The following TYR variants were observed in gnomAD, a reference collection of about 807,000 sequenced individuals.
TYR encodes LB24-AB.
In TYR, 58 loss-of-function variants were observed where a neutral mutation model predicts 51.5. That is an observed-to-expected ratio of 1.13 (90% CI 0.91 to 1.40). The LOEUF (loss-of-function observed/expected upper bound fraction) is 1.40, where lower values mean the gene tolerates loss of function less well. TYR is among the 40% of genes most tolerant of loss of function. The pLI is 0.00. For synonymous variants in TYR, 263 were observed against 235.2 expected, an observed-to-expected ratio of 1.12 and a Z score of -1.08; for missense variants, 732 against 647.4, an observed-to-expected ratio of 1.13 and a Z score of -1.42.
At chr11:89,276,898 G>A (rs932093909) in intron 3 of TYR, among the ~76,000 whole-genome samples, 5 of 151,890 alleles carry the variant, frequency 3.3e-5, no homozygotes, top group Non-Finnish European at 7.4e-5. Flanking sequence ...TGGTTGTACC[G>A]TTAACTGTGA....
At chr11:89,186,071 A>G (rs1943368193) in intron 1 of TYR, among the ~76,000 whole-genome samples, 1 of 152,164 alleles carries the variant, frequency 6.6e-6, no homozygotes, top group South Asian at 2.1e-4. Flanking sequence ...TGCATGGCAA[A>G]GAGTGGGCAT....
chr11:89,280,529 C>T lies in TYR; in HGVS notation c.1185-4244C>T, dbSNP rs375067117. Among the ~76,000 whole-genome samples, 160 of 151,226 alleles carry T rather than the reference C, an allele frequency of 1.1e-3. 1 individual carries two copies. The highest frequency in any genetic ancestry group is 3.7e-3 in the African/African-American group (153 of 41,358). On this transcript the variant is annotated intron_variant, in intron 3 of 4. Transcript: ENST00000263321. ...TTCTGCTTACATTATTCATGATTTT[C>T]TGCATATTATTTACTTTTTCTATTA...
intron 2 of TYR, among the ~76,000 whole-genome samples, chr11:89,221,005 C>A (rs1164241307): frequency 6.6e-6 from 1 of 152,170 alleles, no homozygotes; most frequent in African/African-American, 2.4e-5. Flanking sequence ...AAAAACCTTT[C>A]TTGAATTTAT....
intron 3 of TYR, among the ~76,000 whole-genome samples, chr11:89,255,486 T>A (rs1210611395): frequency 6.6e-6 from 1 of 151,788 alleles, no homozygotes; most frequent in Non-Finnish European, 1.5e-5. Flanking sequence ...ATTGGCAATA[T>A]TCCTTTCTTA....
At chr11:89,207,588 G>A (rs1943688414) in intron 2 of TYR, among the ~76,000 whole-genome samples, 2 of 152,106 alleles carry the variant, frequency 1.3e-5, no homozygotes, top group South Asian at 2.1e-4. Flanking sequence ...ATGTAGAAGG[G>A]AACATTTCTG....
chr11:89,237,073 C>G (rs751443941), intron 3 of TYR, among the ~76,000 whole-genome samples: 39 of 152,160 alleles, frequency 2.6e-4, no homozygotes, highest in Non-Finnish European at 2.2e-4. Context: ...TAATGGCCAA[C>G]ACACCACTGC....
chr11:89,275,586 C>T (rs1473410638), intron 3 of TYR, among the ~76,000 whole-genome samples: 2 of 151,780 alleles, frequency 1.3e-5, no homozygotes, highest in African/African-American at 4.8e-5. Flanking sequence ...AAAACTTTAG[C>T]CAAATTAAAT....
At chr11:89,260,884 G>A (rs1944448824) in intron 3 of TYR, among the ~76,000 whole-genome samples, 1 of 152,110 alleles carries the variant, frequency 6.6e-6, no homozygotes. Flanking sequence ...CCACACAGCA[G>A]GAGGTGAGTG....
chr11:89,181,055 GTC>G (rs1236997070), intron 1 of TYR, among the ~76,000 whole-genome samples: 17 of 152,096 alleles, frequency 1.1e-4, no homozygotes, highest in African/African-American at 3.9e-4. Flanking sequence ...AAGTTCAAGA[GTC>G]TTTTTTTTTG....
intron 1 of TYR, 120 bp downstream of exon 1, chr11:89,178,892 G>T: frequency 1.0e-6 from 1 of 987,376 alleles, no homozygotes. Context: ...GACAGAAATG[G>T]TGCCCTGTTA....
At chr11:89,275,509 C>A (rs1207395231) in intron 3 of TYR, among the ~76,000 whole-genome samples, 3 of 151,864 alleles carry the variant, frequency 2.0e-5, no homozygotes, top group Non-Finnish European at 4.4e-5. Flanking sequence ...TTCTTAAATT[C>A]TTTGACTCAA....
At chr11:89,274,607 C>T (rs993913974) in intron 3 of TYR, among the ~76,000 whole-genome samples, 6 of 151,834 alleles carry the variant, frequency 4.0e-5, no homozygotes, top group African/African-American at 1.4e-4. Context: ...GATGAATAAA[C>T]TGAGACTTCC....
chr11:89,202,561 C>A (rs1943610354), intron 2 of TYR, among the ~76,000 whole-genome samples: 1 of 150,058 alleles, frequency 6.7e-6, no homozygotes, highest in Non-Finnish European at 1.5e-5. Context: ...GCCAATTTGG[C>A]AGTCCTAACG....
At chr11:89,202,145 A>G (rs1381607823) in intron 2 of TYR, among the ~76,000 whole-genome samples, 2 of 152,100 alleles carry the variant, frequency 1.3e-5, no homozygotes, top group African/African-American at 2.4e-5. Context: ...ATTTGTATTT[A>G]TATATTAAAC....
chr11:89,229,008 T>G (rs1487341750), intron 3 of TYR, among the ~76,000 whole-genome samples: 1 of 152,140 alleles, frequency 6.6e-6, no homozygotes, highest in African/African-American at 2.4e-5. Flanking sequence ...GCCATTAAGA[T>G]AATACTATCA....
At chr11:89,288,661 T>G (rs1944821639) in intron 4 of TYR, among the ~76,000 whole-genome samples, 1 of 152,008 alleles carries the variant, frequency 6.6e-6, no homozygotes, top group African/African-American at 2.4e-5. Context: ...AGCAGATACT[T>G]GGGAGGCTGA....
chr11:89,281,599 A>G (rs1178983316), intron 3 of TYR, among the ~76,000 whole-genome samples: 1 of 151,764 alleles, frequency 6.6e-6, no homozygotes, highest in South Asian at 2.1e-4. Context: ...GATCTCAGCT[A>G]TGTACCTCTG....
In TYR at chr11:89,227,803, C is replaced by CT; in HGVS notation, c.1037-20_1037-19insT. 1 of 1,603,090 alleles carries CT rather than the reference C, an allele frequency of 6.2e-7. No individual in the cohort carries two copies. Among genetic ancestry groups the CT allele is most frequent in the Non-Finnish European group, 8.5e-7 (1 of 1,173,636 alleles). On this transcript the variant is annotated intron_variant, in intron 2 of 4. Transcript: ENST00000263321. The stretch of plus-strand genomic sequence containing the variant: ...GTCATTAAAGTAAACATATTTTTTT[C>CT]ATTTTTTTTTAATGAACAGGATTTG...
rs139572906 is a variant in TYR, at chr11:89,220,537, C to G, written c.1037-7286C>G. 5.3e-4 allele frequency among the ~76,000 whole-genome samples: 80 copies of G among 152,282 alleles called. No individual in the cohort carries two copies. The Middle Eastern group carries it at 0.017, about 32-fold the overall frequency. Reference sequence around the variant, plus strand: ...GAATGACCTTAGATAAACCACCTATCCTCTTTGAGACTTAGTTTCAACACC... The same window carrying G: ...GAATGACCTTAGATAAACCACCTATGCTCTTTGAGACTTAGTTTCAACACC... On this transcript the variant is annotated intron_variant, in intron 2 of 4. Coordinates refer to ENST00000263321, the MANE Select transcript of TYR (RefSeq NM_000372.5).
Sources: allele counts gnomAD v4.1 joint callset (sites outside exome capture counted in the v4.1 genomes callset), GRCh38; gene constraint gnomAD v4.1.1; transcripts MANE v1.5; gene names NCBI Gene and HGNC (gene_info 2026-07-23, HGNC 2026-07-21).